The following FAM3D variants were observed in gnomAD, a reference collection of about 807,000 sequenced individuals.
The protein encoded by FAM3D is protein FAM3D.
Under a neutral mutation model 29.8 loss-of-function variants are expected in FAM3D, and 26 were observed. That is an observed-to-expected ratio of 0.87 (90% CI 0.64 to 1.21). The LOEUF is 1.21. Among genes scored for constraint, FAM3D ranks in the 50% most tolerant of loss-of-function variants. FAM3D has a pLI of 0.00. For missense variants in FAM3D, 253 were observed against 290.9 expected (o/e 0.87, Z 0.95); for synonymous variants, 115 against 102.3 (o/e 1.12, Z -0.75).
In FAM3D at chr3:58,644,827, TAGAC is replaced by T. The variant is rs1386310116; in HGVS notation, c.263+678_263+681del. On this transcript the variant is annotated intron_variant, in intron 5 of 9. Coordinates refer to ENST00000358781, the MANE Select transcript of FAM3D (RefSeq NM_138805.3). ...GAGGGTAGAGCTGAAGATGGGGTGATAGACAGCCCTGATGACATTGTTTGAATCC... is the reference window on the plus strand; with the variant it reads ...GAGGGTAGAGCTGAAGATGGGGTGATAGCCCTGATGACATTGTTTGAATCC... 4.6e-5 allele frequency among the ~76,000 whole-genome samples: 7 copies of T among 152,276 alleles called. No individual in the cohort carries two copies. The South Asian group carries it at 8.3e-4, about 18-fold the overall frequency.
chr3:58,655,589 G>T lies in FAM3D; in HGVS notation c.-26C>A, dbSNP rs762915135. On this transcript the variant is annotated 5_prime_UTR_variant, in exon 2 of 10. Coordinates refer to ENST00000358781, the MANE Select transcript of FAM3D (RefSeq NM_138805.3). ...CCTGTCCAGGTGAAGGGTGGCTTGG[G>T]GTCAGCTTCCACCTATGGAGAGAAG... is the stretch of plus-strand genomic sequence containing the variant. 1 of 1,612,478 alleles carries T rather than the reference G, an allele frequency of 6.2e-7. No homozygotes were observed. The highest frequency in any genetic ancestry group is 1.1e-5 in the South Asian group (1 of 90,602).
chr3:58,639,526 G>A (rs1057417446), intron 7 of FAM3D, among the ~76,000 whole-genome samples: 5 of 152,166 alleles, frequency 3.3e-5, no homozygotes, highest in African/African-American at 1.2e-4. Context: ...CCCATCTCCT[G>A]TTGCCCCTGT....
chr3:58,655,667 G>T, intron 1 of FAM3D, 66 bp from the exon 2 acceptor site: 4 of 1,296,442 alleles, frequency 3.1e-6, no homozygotes, highest in Non-Finnish European at 4.3e-6. Context: ...GCCTGAAGAT[G>T]AGGGAAAGGG....
chr3:58,647,467 T>G (rs1428476301), intron 4 of FAM3D, among the ~76,000 whole-genome samples: 3 of 152,214 alleles, frequency 2.0e-5, no homozygotes. Flanking sequence ...TCCAGCCACA[T>G]GCACCCCTCA....
chr3:58,636,450 T>C (rs200387681), intron 8 of FAM3D, 30 bp from the exon 9 acceptor site: 219 of 1,612,116 alleles, frequency 1.4e-4, no homozygotes, highest in Non-Finnish European at 1.7e-4. Flanking sequence ...ATGGTCAGGA[T>C]GCGGGGGTGG....
In FAM3D at chr3:58,645,549, C is replaced by T. The variant is rs142021178; in HGVS notation, c.223G>A (p.Ala75Thr). Residue 75 changes from alanine (A) to threonine (T), a missense_variant, in exon 5 of 10, where the codon GCC becomes ACC. Transcript: ENST00000358781. ...CACATAGTAGGGCCCACGACGTTGG[C>T]GGCCCCACTGCAGATTTTAAACGCA... ...YFAFKICSGA[A>T]NVVGPTMCFE... 1.9e-5 allele frequency: 30 copies of T among 1,614,042 alleles called. No homozygotes were observed. The highest frequency in any genetic ancestry group is 6.7e-5 in the East Asian group (3 of 44,896).
intron 1 of FAM3D, among the ~76,000 whole-genome samples, chr3:58,656,293 A>T (rs1314957366): frequency 6.6e-6 from 1 of 152,224 alleles, no homozygotes; most frequent in East Asian, 1.9e-4. Context: ...TGAGTAAGCA[A>T]GACCCACCAT....
Position 58,634,410 on chromosome 3 carries a change from G to A in FAM3D, c.586-42C>T, listed in dbSNP as rs747456703. ...CAGAGAAATATAGGCAGTGAGTGAG[G>A]CTGTTCAGAACTCATGCCCACATGG... On this transcript the variant is annotated intron_variant, in intron 9 of 9. Transcript: ENST00000358781. This position sits in a 1 kb window ranked among gnomAD's most constrained non-coding sequence, Gnocchi z 4.6. 6.3e-7 allele frequency: 1 copy of A among 1,578,022 alleles called. No homozygotes were observed. Among genetic ancestry groups the A allele is most frequent in the Admixed American group, 1.7e-5 (1 of 59,788 alleles).
rs777547616 is a variant in FAM3D at position 58,649,315 on chromosome 3, G to C, written c.145C>G (p.Gln49Glu). The C allele has an allele frequency of 1.2e-6, 2 of 1,613,764 alleles. No homozygotes were observed. Among genetic ancestry groups the C allele is most frequent in the Non-Finnish European group, 1.7e-6 (2 of 1,179,796 alleles). The change falls in exon 4 of 10, where the codon CAG becomes GAG. Residue 49 changes from glutamine to glutamate, a missense_variant and splice_region_variant. Transcript: ENST00000358781. The part of the protein sequence containing the change: ...WLAASPTKEI[Q>E]VKKYKCGLIK... ...GGTGTGGGGCTGCACAGATACTCAC[G>C]GATCTCCTTGGTGGGCGAGGCTGCT...
At chr3:58,643,744 T>C (rs1417686430) in intron 5 of FAM3D, 24 bp from the exon 6 acceptor site, 27 of 1,612,304 alleles carry the variant, frequency 1.7e-5, no homozygotes, top group African/African-American at 2.7e-5. Context: ...AGAAGAAATA[T>C]GACAGTCGGT....
intron 1 of FAM3D, among the ~76,000 whole-genome samples, chr3:58,657,315 G>T (rs760818314): frequency 2.0e-5 from 3 of 151,032 alleles, no homozygotes; most frequent in Non-Finnish European, 4.4e-5. Flanking sequence ...CAGAGGGTGT[G>T]TACAGAGACA....
At chr3:58,651,365 C>T (rs2066632976) in intron 3 of FAM3D, among the ~76,000 whole-genome samples, 1 of 152,222 alleles carries the variant, frequency 6.6e-6, no homozygotes, top group South Asian at 2.1e-4. Flanking sequence ...ATGAAAATTA[C>T]TCCCTTCAGT....
intron 4 of FAM3D, among the ~76,000 whole-genome samples, chr3:58,648,157 C>G (rs2066531674): frequency 1.3e-5 from 2 of 152,184 alleles, no homozygotes; most frequent in Non-Finnish European, 2.9e-5. Context: ...TGTTTGATAG[C>G]AACAAGATGC....
intron 2 of FAM3D, among the ~76,000 whole-genome samples, chr3:58,654,711 C>T (rs1362030251): frequency 2.7e-5 from 4 of 150,276 alleles, no homozygotes; most frequent in Non-Finnish European, 2.9e-5. Flanking sequence ...TCCCCAGCCC[C>T]GAATTCAGCT....
intron 3 of FAM3D, among the ~76,000 whole-genome samples, chr3:58,653,442 T>C (rs1006031794): frequency 6.6e-6 from 1 of 152,196 alleles, no homozygotes; most frequent in African/African-American, 2.4e-5. Flanking sequence ...TTCAAAGTGG[T>C]CCTCGATGTG....
chr3:58,663,207 C>T (rs2066965375), intron 1 of FAM3D, among the ~76,000 whole-genome samples: 1 of 152,244 alleles, frequency 6.6e-6, no homozygotes, highest in Non-Finnish European at 1.5e-5. Context: ...TCTCCTCCTA[C>T]CACTTTTGAA....
In FAM3D at chr3:58,634,207, C is replaced by T. The variant is rs1023311556; in HGVS notation, c.*72G>A. On this transcript the variant is annotated 3_prime_UTR_variant, in exon 10 of 10. Transcript: ENST00000358781. This position sits in a 1 kb window ranked among gnomAD's most constrained non-coding sequence, Gnocchi z 4.6. ...ACCCCCTGCTCCTCCTCCTCAGCCC[C>T]TGCCGGGCTCTGACTCCTAAGTCAG... The T allele has an allele frequency of 7.0e-7, 1 of 1,434,624 alleles. No homozygotes were observed. The highest frequency in any genetic ancestry group is 1.4e-5 in the African/African-American group (1 of 70,748). 88.9% of individuals were successfully genotyped at this position (1,434,624 alleles called of 1,614,324 possible). A position where few individuals can be genotyped will look rare whatever the true frequency, so the allele number is the denominator to read the frequency against.
At position 58,665,655 on chromosome 3, in the gene FAM3D, T is replaced by C. The variant is rs528400583; in HGVS notation, c.-39+921A>G. Among the ~76,000 whole-genome samples the C allele has an allele frequency of 1.2e-3, 185 of 152,228 alleles. 9 individuals carry two copies. In the South Asian group the frequency reaches 0.038, roughly 31 times the overall value. ...GCCATGGACTCAGAATCCACTGCAG[T>C]GTAGAGTCAGTGTGGCATAGTGGGC... On this transcript the variant is annotated intron_variant, in intron 1 of 9. Coordinates refer to ENST00000358781, the MANE Select transcript of FAM3D (RefSeq NM_138805.3).
chr3:58,645,271 C>T (rs544372047), intron 5 of FAM3D, among the ~76,000 whole-genome samples: 15 of 152,216 alleles, frequency 9.9e-5, no homozygotes, highest in African/African-American at 3.6e-4. Context: ...GGGATAATAT[C>T]CCCACCTCCC....
Sources: allele counts gnomAD v4.1 joint callset (sites outside exome capture counted in the v4.1 genomes callset), GRCh38; gene constraint gnomAD v4.1.1; non-coding constraint Gnocchi (gnomAD v3.1); transcripts MANE v1.5; gene names NCBI Gene and HGNC (gene_info 2026-07-23, HGNC 2026-07-21).